Variants in HERC2 observed in about 807,000 individuals in gnomAD.
HERC2 encodes the protein HECT and RLD domain containing E3 ubiquitin protein ligase 2, also known as E3 ubiquitin-protein ligase HERC2.
Under a neutral mutation model 537.7 loss-of-function variants are expected in HERC2, and 102 were observed. The observed-to-expected ratio is 0.19, with a 90% confidence interval of 0.16 to 0.22. HERC2 has a LOEUF of 0.22. Ranked by LOEUF, HERC2 falls within the 10% of genes least tolerant of loss-of-function variation. The pLI, the probability that HERC2 is intolerant of heterozygous loss-of-function variation, is 1.00. For synonymous variants in HERC2, 2,224 were observed against 2,466.2 expected, an observed-to-expected ratio of 0.90 and a Z score of 2.91; for missense variants, 4,236 against 6,198.2, an observed-to-expected ratio of 0.68 and a Z score of 10.63.
At chr15:28,314,628 G>A (rs868705115) in intron 2 of HERC2, among the ~76,000 whole-genome samples, 15 of 152,052 alleles carry the variant, frequency 9.9e-5, no homozygotes, top group Non-Finnish European at 1.8e-4. Flanking sequence ...AGGCCAAGGC[G>A]GGCGGATCAT....
In HERC2 at chr15:28,129,780, C is replaced by CTTTTTTTTTTTT. The variant is rs36068402; in HGVS notation, c.12802+371_12802+382dup. On this transcript the variant is annotated intron_variant, in intron 83 of 92. Coordinates refer to ENST00000261609, the MANE Select transcript of HERC2 (RefSeq NM_004667.6). ...AGGACACAGTATAAGCCTCTGCCTC[C>CTTTTTTTTTTTT]TTTTTTTTTTTTTTTTTGAGACAGT... Among the ~76,000 whole-genome samples, 6 of 143,552 alleles carry CTTTTTTTTTTTT rather than the reference C, an allele frequency of 4.2e-5. 2 individuals are homozygous for CTTTTTTTTTTTT. The highest frequency in any genetic ancestry group is 3.0e-5 in the Non-Finnish European group (2 of 65,892). 94.2% of individuals were successfully genotyped at this position (143,552 alleles called of 152,430 possible). A position where few individuals can be genotyped will look rare whatever the true frequency, so the allele number is the denominator to read the frequency against.
At chr15:28,307,846 G>A (rs1251597498) in intron 2 of HERC2, among the ~76,000 whole-genome samples, 7 of 152,208 alleles carry the variant, frequency 4.6e-5, no homozygotes, top group South Asian at 2.1e-4. Flanking sequence ...TACCTTTGTC[G>A]AAAATGAGTT....
At chr15:28,130,110 C>G in intron 83 of HERC2, 53 bp downstream of exon 83, 13 of 1,604,570 alleles carry the variant, frequency 8.1e-6, no homozygotes, top group Non-Finnish European at 1.0e-5. Context: ...CCTTCATGCT[C>G]AACCCTCTTA....
At chr15:28,319,509 C>T (rs1241411285) in intron 2 of HERC2, among the ~76,000 whole-genome samples, 6 of 139,346 alleles carry the variant, frequency 4.3e-5, no homozygotes, top group Non-Finnish European at 6.0e-5. Context: ...CACTTGCATT[C>T]GGGAGGCGGA....
At chr15:28,145,248 G>A (rs1345747963) in intron 71 of HERC2, among the ~76,000 whole-genome samples, 1 of 152,260 alleles carries the variant, frequency 6.6e-6, no homozygotes, top group Non-Finnish European at 1.5e-5. Context: ...GCCTATGTGT[G>A]TGGTTCAGCA....
intron 38 of HERC2, 135 bp downstream of exon 38, chr15:28,218,354 C>G: frequency 3.9e-6 from 3 of 767,480 alleles, no homozygotes; most frequent in East Asian, 2.5e-5. Flanking sequence ...TGTAAGCCCC[C>G]AAGTTTGTAT....
chr15:28,114,874 GCA>G (rs1436954166), intron 89 of HERC2, 72 bp from the exon 90 acceptor site: 2 of 1,311,216 alleles, frequency 1.5e-6, no homozygotes, highest in African/African-American at 1.5e-5. Flanking sequence ...AGTCCACCCA[GCA>G]CACTCTGTCA....
At position 28,202,496 on chromosome 15, in the gene HERC2, C is replaced by T. The variant is rs773782442; in HGVS notation, c.7331G>A (p.Arg2444His). The change falls in exon 46 of 93, where the codon CGC becomes CAC. Residue 2444 changes from arginine (R) to histidine (H), a missense_variant. Around this residue, in one of 27 missense-constraint regions of HERC2, gnomAD observed 35 missense variants for 68.7 expected, o/e 0.51. Transcript: ENST00000261609. ...CTTGCGCCTCTTCACTCTGGCAGGG[C>T]GGATGTGCTGCACGGCGACAGGCGT... ...ATTPVAVQHI[R>H]PARVKRRKQS... 1.5e-5 allele frequency: 21 copies of T among 1,383,730 alleles called. No homozygotes were observed. The highest frequency in any genetic ancestry group is 1.9e-4 in the Middle Eastern group (1 of 5,200). 85.7% of individuals were successfully genotyped at this position (1,383,730 alleles called of 1,614,324 possible). A position where few individuals can be genotyped will look rare whatever the true frequency, so the allele number is the denominator to read the frequency against.
intron 35 of HERC2, among the ~76,000 whole-genome samples, chr15:28,224,412 G>A (rs1429636740): frequency 6.6e-6 from 1 of 152,106 alleles, no homozygotes; most frequent in Non-Finnish European, 1.5e-5. Flanking sequence ...TGTAGAGACA[G>A]GGTTTCTCTA....
chr15:28,280,703 G>A (rs565447525), intron 4 of HERC2, among the ~76,000 whole-genome samples: 12 of 152,096 alleles, frequency 7.9e-5, no homozygotes, highest in East Asian at 1.9e-4. Context: ...TCAGGAGTTC[G>A]AGACCAGCCT....
At chr15:28,153,714 C>T (rs1892695670) in intron 69 of HERC2, among the ~76,000 whole-genome samples, 1 of 152,138 alleles carries the variant, frequency 6.6e-6, no homozygotes, top group African/African-American at 2.4e-5. Context: ...TTAATATGTG[C>T]CAGCTGATAA....
At chr15:28,199,404 T>C (rs1274356542) in intron 48 of HERC2, among the ~76,000 whole-genome samples, 1 of 152,178 alleles carries the variant, frequency 6.6e-6, no homozygotes, top group Non-Finnish European at 1.5e-5. Flanking sequence ...TTGGTCATCA[T>C]GATAATAAGG....
intron 36 of HERC2, among the ~76,000 whole-genome samples, chr15:28,220,950 G>A (rs1298208958): frequency 1.5e-5 from 2 of 134,824 alleles, no homozygotes; most frequent in Admixed American, 1.5e-4. Flanking sequence ...AGGAGGGTGC[G>A]TGCCCTGCCC....
chr15:28,274,247 G>T (rs778179734), intron 7 of HERC2, 44 bp downstream of exon 7: 1 of 1,604,934 alleles, frequency 6.2e-7, no homozygotes, highest in Non-Finnish European at 8.5e-7. Context: ...GCCTCAAGCA[G>T]GCCAGCTGTC....
intron 5 of HERC2, among the ~76,000 whole-genome samples, chr15:28,279,615 C>CCACACACACACA (rs58447102): frequency 0.017 from 2,386 of 141,628 alleles, 60 homozygotes; most frequent in African/African-American, 0.053. Flanking sequence ...GACCCCATCT[C>CCACACACACACA]CACACACACA....
intron 4 of HERC2, among the ~76,000 whole-genome samples, chr15:28,287,750 G>T (rs2076198678): frequency 2.2e-5 from 3 of 136,808 alleles, no homozygotes; most frequent in Admixed American, 1.6e-4. Context: ...GTTTGAGATG[G>T]AGTCTCACCC....
chr15:28,214,594 C>G (rs1899673281), intron 40 of HERC2, 61 bp downstream of exon 40: 1 of 1,524,034 alleles, frequency 6.6e-7, no homozygotes, highest in African/African-American at 1.5e-5. Flanking sequence ...CGGCCACCCA[C>G]CTGAGTGACG....
chr15:28,111,607 T>G lies in HERC2; in HGVS notation c.*156A>C. 4.1e-6 allele frequency: 3 copies of G among 729,748 alleles called. No homozygotes were observed. Among genetic ancestry groups the G allele is most frequent in the Non-Finnish European group, 6.7e-6 (3 of 449,562 alleles). The allele number at this position is 729,748 out of a possible 1,614,324, so 45.2% of individuals were successfully genotyped here. A position where few individuals can be genotyped will look rare whatever the true frequency, so the allele number is the denominator to read the frequency against. The stretch of plus-strand genomic sequence containing the variant: ...CACAGGCGGACCTTCTCACTGTCAT[T>G]CCCATCACGGCCAGTCAGTCTCTCC... On this transcript the variant is annotated 3_prime_UTR_variant, in exon 93 of 93. Transcript: ENST00000261609.
At chr15:28,140,546 G>A (rs1470653518) in intron 78 of HERC2, among the ~76,000 whole-genome samples, 1 of 152,066 alleles carries the variant, frequency 6.6e-6, no homozygotes, top group African/African-American at 2.4e-5. Flanking sequence ...GGCGGAGACA[G>A]AATCTCACTC....
Sources: gnomAD v4.1 joint callset for allele counts (sites outside exome capture counted in the v4.1 genomes callset) on GRCh38, gnomAD v4.1.1 for gene constraint, gnomAD v4.1.1 regional missense constraint, MANE v1.5 for transcripts, NCBI Gene and HGNC (gene_info 2026-07-23, HGNC 2026-07-21) for gene names.